Variants in PTPRN2 observed in about 807,000 individuals in gnomAD.
PTPRN2 encodes the protein receptor-type tyrosine-protein phosphatase N2.
PTPRN2 carries 74 observed loss-of-function variants against 118.8 expected under a neutral mutation model. The ratio of observed to expected loss-of-function variants is 0.62; its 90% CI spans 0.52 to 0.76. The LOEUF is 0.76. PTPRN2 is among the 30% of genes least tolerant of loss of function. The pLI is 0.00. For missense variants in PTPRN2, 1,481 were observed against 1,394.4 expected (o/e 1.06, Z -0.99); for synonymous variants, 641 against 608.0 (o/e 1.05, Z -0.80).
At chr7:157,937,760 T>A (rs919943777) in intron 11 of PTPRN2, among the ~76,000 whole-genome samples, 1 of 152,204 alleles carries the variant, frequency 6.6e-6, no homozygotes, top group African/African-American at 2.4e-5. Context: ...GATGAATGGA[T>A]TCATATTTAC....
intron 11 of PTPRN2, among the ~76,000 whole-genome samples, chr7:157,902,143 G>A (rs1395500141): frequency 1.3e-5 from 2 of 152,246 alleles, no homozygotes; most frequent in Admixed American, 6.5e-5. Flanking sequence ...GCCTTGGGGA[G>A]GGAATGAGTC....
chr7:157,631,072 AGGACCACCTAGAATCTCT>A (rs199965736), intron 14 of PTPRN2, among the ~76,000 whole-genome samples: 1 of 152,146 alleles, frequency 6.6e-6, no homozygotes, highest in East Asian at 1.9e-4. Flanking sequence ...ACCTATTCTG[AGGACCACCTAGAATCTCT>A]GGCAAGCCCA....
chr7:158,199,332 C>T (rs1237334406), intron 4 of PTPRN2, among the ~76,000 whole-genome samples: 1 of 152,156 alleles, frequency 6.6e-6, no homozygotes, highest in Admixed American at 6.5e-5. Flanking sequence ...GCACTCATAC[C>T]TACTGCTTTG....
intron 2 of PTPRN2, among the ~76,000 whole-genome samples, chr7:158,325,269 C>A (rs1422064568): frequency 6.6e-6 from 1 of 152,186 alleles, no homozygotes; most frequent in East Asian, 1.9e-4. Context: ...GGCAGGGACA[C>A]CTCCTGCTTA....
At position 158,378,706 on chromosome 7, in the gene PTPRN2, A is replaced by AGGGTCCAGGGTCG. The variant is rs1563220589; in HGVS notation, c.164-61775_164-61774insCGACCCTGGACCC. Reference sequence around the variant, plus strand: ...GGTCCAGGGTCCAGGGTCCAGGGTCAACATCCAACTCAGTTGCTTTCTGGT... The same window carrying AGGGTCCAGGGTCG: ...GGTCCAGGGTCCAGGGTCCAGGGTCAGGGTCCAGGGTCGACATCCAACTCAGTTGCTTTCTGGT... On this transcript the variant is annotated intron_variant, in intron 2 of 22. Coordinates refer to ENST00000389418, the MANE Select transcript of PTPRN2 (RefSeq NM_002847.5). Among the ~76,000 whole-genome samples the AGGGTCCAGGGTCG allele has an allele frequency of 7.1e-3, 1,081 of 152,266 alleles. 9 individuals are homozygous for AGGGTCCAGGGTCG. The highest frequency in any genetic ancestry group is 0.025 in the African/African-American group (1,031 of 41,552).
intron 12 of PTPRN2, among the ~76,000 whole-genome samples, chr7:157,853,083 A>G (rs1560959): frequency 0.64 from 96,559 of 151,872 alleles, 31,512 homozygotes; most frequent in East Asian, 0.85. Context: ...CCTCCAGATC[A>G]GCAGGCAGTG....
chr7:157,816,165 A>AC (rs1377505257), intron 12 of PTPRN2, among the ~76,000 whole-genome samples: 3 of 151,490 alleles, frequency 2.0e-5, no homozygotes, highest in Middle Eastern at 3.4e-3. Context: ...CAGCCCAGAG[A>AC]CCCCCCAGCC....
chr7:157,552,960 G>A (rs1281142816), intron 21 of PTPRN2, among the ~76,000 whole-genome samples: 2 of 152,234 alleles, frequency 1.3e-5, no homozygotes, highest in African/African-American at 4.8e-5. Flanking sequence ...CAACCTCACA[G>A]ATCTCGTGAG....
chr7:157,963,280 A>T (rs922047659), intron 11 of PTPRN2, among the ~76,000 whole-genome samples: 2 of 152,230 alleles, frequency 1.3e-5, no homozygotes, highest in Admixed American at 6.5e-5. Flanking sequence ...GGTGTTTAAG[A>T]CCAGAAGCAG....
chr7:157,702,606 C>T (rs1798135019), intron 12 of PTPRN2, among the ~76,000 whole-genome samples: 1 of 152,212 alleles, frequency 6.6e-6, no homozygotes, highest in South Asian at 2.1e-4. Context: ...GGAGGCTCAC[C>T]ATCAGGCTTC....
In PTPRN2 at chr7:157,953,897, T is replaced by A. The variant is rs576638719; in HGVS notation, c.1724-55160A>T. 6.6e-6 allele frequency among the ~76,000 whole-genome samples: 1 copy of A among 152,288 alleles called. No individual in the cohort carries two copies. Among genetic ancestry groups the A allele is most frequent in the African/African-American group, 2.4e-5 (1 of 41,560 alleles). ...AATCGCTGGTTTAAATATTCTCTCC[T>A]TTCCCTCACCATGGAATGCACAAAC... On this transcript the variant is annotated intron_variant, in intron 11 of 22. Transcript: ENST00000389418. The surrounding 1 kb of genome is among the most constrained non-coding windows in gnomAD (Gnocchi z 4.6).
chr7:158,085,315 C>T (rs139943500), intron 10 of PTPRN2, among the ~76,000 whole-genome samples: 1 of 128,540 alleles, frequency 7.8e-6, no homozygotes, highest in Non-Finnish European at 1.6e-5. Context: ...ACACCCACGA[C>T]GCCCATTCAC....
chr7:158,242,011 G>A (rs917196184), intron 3 of PTPRN2, among the ~76,000 whole-genome samples: 4 of 152,120 alleles, frequency 2.6e-5, no homozygotes, highest in African/African-American at 4.8e-5. Context: ...TTTTGCTGTG[G>A]AGCCTTGTTT....
At position 157,684,126 on chromosome 7, in the gene PTPRN2, A is replaced by G. The variant is rs1405750124; in HGVS notation, c.1789-1189T>C. ...GCCCGTTTTTATCTTGTAATCATAA[A>G]GGCCACCAAAGCAATTATCGCCGGT... On this transcript the variant is annotated intron_variant, in intron 12 of 22. Coordinates refer to ENST00000389418, the MANE Select transcript of PTPRN2 (RefSeq NM_002847.5). Among the ~76,000 whole-genome samples, 6 of 152,192 alleles carry G rather than the reference A, an allele frequency of 3.9e-5. No individual in the cohort carries two copies. The South Asian group carries it at 6.3e-4, about 16-fold the overall frequency.
At chr7:158,362,030 G>C (rs6980058) in intron 2 of PTPRN2, among the ~76,000 whole-genome samples, 146,737 of 152,290 alleles carry the variant, frequency 0.96, 70,752 homozygotes, top group African/African-American at 0.99. Context: ...TCCTCCGTCT[G>C]TCTGTCACTC....
chr7:158,262,893 AC>A (rs1797587089), intron 3 of PTPRN2, among the ~76,000 whole-genome samples: 1 of 148,624 alleles, frequency 6.7e-6, no homozygotes, highest in Non-Finnish European at 1.5e-5. Context: ...ATACATTCAC[AC>A]ACACTGCAAA....
chr7:158,333,211 C>A (rs1486354270), intron 2 of PTPRN2, among the ~76,000 whole-genome samples: 3 of 116,594 alleles, frequency 2.6e-5, no homozygotes, highest in African/African-American at 3.8e-5. Context: ...GAGCTGTCGC[C>A]CGCAGACGTG....
At chr7:157,694,522 G>T (rs1226388900) in intron 12 of PTPRN2, among the ~76,000 whole-genome samples, 2 of 152,188 alleles carry the variant, frequency 1.3e-5, no homozygotes, top group East Asian at 1.9e-4. Flanking sequence ...GTCTAGGGGG[G>T]TCATGAGAAG....
chr7:157,693,080 G>T (rs1474150385), intron 12 of PTPRN2, among the ~76,000 whole-genome samples: 1 of 151,900 alleles, frequency 6.6e-6, no homozygotes, highest in Non-Finnish European at 1.5e-5. Flanking sequence ...GCGCTGGGGG[G>T]CGGGGGGCCG....
Sources: gnomAD v4.1 joint callset for allele counts (sites outside exome capture counted in the v4.1 genomes callset) on GRCh38, gnomAD v4.1.1 for gene constraint, Gnocchi (gnomAD v3.1) non-coding constraint, MANE v1.5 for transcripts, NCBI Gene and HGNC (gene_info 2026-07-23, HGNC 2026-07-21) for gene names.